PKNOX2: variants seen among roughly 807,000 people sequenced by gnomAD.
PKNOX2 encodes the protein PBX/knotted 1 homeobox 2.
Under a neutral mutation model 53.1 loss-of-function variants are expected in PKNOX2, and 14 were observed. The observed-to-expected ratio is 0.26, with a 90% CI of 0.17 to 0.41. The LOEUF (loss-of-function observed/expected upper bound fraction) is 0.41. PKNOX2 is among the 10% of genes least tolerant of loss of function. The pLI is 1.00. For missense variants in PKNOX2, 496 were observed against 602.8 expected, an observed-to-expected ratio of 0.82 and a Z score of 1.85; for synonymous variants, 257 against 242.8, an observed-to-expected ratio of 1.06 and a Z score of -0.54.
intron 1 of PKNOX2, among the ~76,000 whole-genome samples, chr11:125,228,352 T>C (rs1462369841): frequency 3.9e-5 from 6 of 152,182 alleles, no homozygotes; most frequent in Non-Finnish European, 8.8e-5. Flanking sequence ...ACCATGCAGC[T>C]ATAGAGGATG....
intron 2 of PKNOX2, among the ~76,000 whole-genome samples, chr11:125,246,627 C>G (rs1943584625): frequency 6.6e-6 from 1 of 152,146 alleles, no homozygotes. Context: ...CTCCCTATGA[C>G]CATGTCTTAG....
At chr11:125,196,380 C>G (rs1002143877) in intron 1 of PKNOX2, among the ~76,000 whole-genome samples, 1 of 152,186 alleles carries the variant, frequency 6.6e-6, no homozygotes, top group Non-Finnish European at 1.5e-5. Flanking sequence ...GGGCCTGAAA[C>G]AAGGCCTGAG....
At chr11:125,398,911 A>G (rs1175725163) in intron 7 of PKNOX2, among the ~76,000 whole-genome samples, 1 of 152,202 alleles carries the variant, frequency 6.6e-6, no homozygotes, top group Non-Finnish European at 1.5e-5. Flanking sequence ...ACAATCAGGC[A>G]TGGGGATGCA....
rs79666982 is a variant in PKNOX2 at position 125,173,572 on chromosome 11, G to A, written c.-201+8796G>A. On this transcript the variant is annotated intron_variant, in intron 1 of 12. Coordinates refer to ENST00000298282, the MANE Select transcript of PKNOX2 (RefSeq NM_001382323.2). ...ATTACTCGAATCTTTGGCAAATGCT[G>A]GGAAGAGCTACTGTTGTGAAAACCA... is the stretch of plus-strand genomic sequence containing the variant. Among the ~76,000 whole-genome samples the A allele has an allele frequency of 2.7e-3, 410 of 152,266 alleles. 3 individuals are homozygous for A. The East Asian group carries it at 0.029, about 11-fold the overall frequency.
chr11:125,355,939 G>A (rs1054851302), intron 4 of PKNOX2, among the ~76,000 whole-genome samples: 6 of 151,672 alleles, frequency 4.0e-5, no homozygotes, highest in Non-Finnish European at 7.4e-5. Context: ...AGCTCCATCA[G>A]CCACTCCGGG....
At chr11:125,426,060 G>C (rs1229766346) in intron 10 of PKNOX2, among the ~76,000 whole-genome samples, 2 of 152,206 alleles carry the variant, frequency 1.3e-5, no homozygotes, top group Non-Finnish European at 2.9e-5. Context: ...ATGTTAATCT[G>C]TGTATTTGTG....
chr11:125,392,375 C>T (rs1435295232), intron 6 of PKNOX2, among the ~76,000 whole-genome samples: 1 of 152,230 alleles, frequency 6.6e-6, no homozygotes, highest in Non-Finnish European at 1.5e-5. Context: ...TCCTGCCCTG[C>T]CAGGCAGCCC....
intron 5 of PKNOX2, 64 bp downstream of exon 5, chr11:125,368,049 G>T: frequency 6.4e-7 from 1 of 1,552,510 alleles, no homozygotes; most frequent in Non-Finnish European, 8.7e-7. Flanking sequence ...CAGCTGTGAG[G>T]GATGAGAATG....
At chr11:125,395,470 C>T (rs1954321907) in intron 6 of PKNOX2, among the ~76,000 whole-genome samples, 1 of 152,148 alleles carries the variant, frequency 6.6e-6, no homozygotes, top group Non-Finnish European at 1.5e-5. Flanking sequence ...ATGGTACGCA[C>T]ATATTTAGTT....
chr11:125,409,529 T>C (rs1955358299), intron 7 of PKNOX2, among the ~76,000 whole-genome samples: 1 of 152,004 alleles, frequency 6.6e-6, no homozygotes, highest in East Asian at 1.9e-4. Context: ...CTAGGGCGGC[T>C]TTCATTTGCT....
intron 3 of PKNOX2, among the ~76,000 whole-genome samples, chr11:125,337,024 A>G (rs1289702140): frequency 6.6e-6 from 1 of 151,302 alleles, no homozygotes; most frequent in Non-Finnish European, 1.5e-5. Flanking sequence ...ACTACATATT[A>G]TATTTTGCAT....
intron 1 of PKNOX2, 47 bp downstream of exon 1, chr11:125,164,823 GGCGGCGGC>G: frequency 5.6e-6 from 1 of 178,896 alleles, no homozygotes; most frequent in Non-Finnish European, 1.1e-5. Context: ...TGCAGGCGGC[GGCGGCGGC>G]GCGGCGGCGG....
intron 1 of PKNOX2, among the ~76,000 whole-genome samples, chr11:125,173,619 T>C (rs1955487076): frequency 6.6e-6 from 1 of 152,246 alleles, no homozygotes; most frequent in African/African-American, 2.4e-5. Context: ...ATCTGTTTTT[T>C]ACTTCCACAA....
chr11:125,197,052 T>C (rs1937791590), intron 1 of PKNOX2, among the ~76,000 whole-genome samples: 1 of 152,216 alleles, frequency 6.6e-6, no homozygotes, highest in Non-Finnish European at 1.5e-5. Context: ...TCAGTCTCAC[T>C]AGCCACATTT....
chr11:125,431,020 G>C, intron 12 of PKNOX2, 146 bp from the exon 13 acceptor site: 1 of 1,415,892 alleles, frequency 7.1e-7, no homozygotes, highest in Non-Finnish European at 9.3e-7. Context: ...CTTCATACCA[G>C]GGCATTGTCC....
intron 1 of PKNOX2, among the ~76,000 whole-genome samples, chr11:125,222,605 CTGTGTGTATGTG>C (rs1266554398): frequency 7.1e-6 from 1 of 140,676 alleles, no homozygotes; most frequent in Non-Finnish European, 1.5e-5. Context: ...GTGTGTGTGT[CTGTGTGTATGTG>C]TGTGTATGTG....
intron 10 of PKNOX2, 113 bp from the exon 11 acceptor site, chr11:125,428,899 C>A (rs770288069): frequency 3.4e-6 from 4 of 1,192,474 alleles, no homozygotes; most frequent in Non-Finnish European, 4.9e-6. Flanking sequence ...TTTTGGTTCC[C>A]AAACCACTCG....
Position 125,214,994 on chromosome 11 carries a change from G to T in PKNOX2, c.-200-20051G>T, listed in dbSNP as rs1254201294. 7.9e-5 allele frequency among the ~76,000 whole-genome samples: 12 copies of T among 152,070 alleles called. 1 individual carries two copies. The East Asian group carries it at 2.3e-3, about 29-fold the overall frequency. On this transcript the variant is annotated intron_variant, in intron 1 of 12. Coordinates refer to ENST00000298282, the MANE Select transcript of PKNOX2 (RefSeq NM_001382323.2). Reference sequence around the variant, plus strand: ...TGTATCTGGTGACTTCTGAATGCAAGCTCCAACAAAGAGAAATCTGTGGTG... The same window carrying T: ...TGTATCTGGTGACTTCTGAATGCAATCTCCAACAAAGAGAAATCTGTGGTG...
chr11:125,237,315 G>T (rs35447666), intron 2 of PKNOX2, among the ~76,000 whole-genome samples: 23,580 of 152,222 alleles, frequency 0.15, 1,887 homozygotes, highest in African/African-American at 0.17. Context: ...CATAGCCACT[G>T]CATTCTCTCA....
Sources: gnomAD v4.1 joint callset for allele counts (sites outside exome capture counted in the v4.1 genomes callset) on GRCh38, gnomAD v4.1.1 for gene constraint, MANE v1.5 for transcripts, NCBI Gene and HGNC (gene_info 2026-07-23, HGNC 2026-07-21) for gene names.